CBFA2T2: variants seen among roughly 807,000 people sequenced by gnomAD.
The protein encoded by CBFA2T2 is protein CBFA2T2.
In CBFA2T2, 11 loss-of-function variants were observed where a neutral mutation model predicts 62.2. That is an observed-to-expected ratio of 0.18 (90% CI 0.11 to 0.29). The LOEUF (loss-of-function observed/expected upper bound fraction) is 0.29, where lower values mean the gene tolerates loss of function less well. Among genes scored for constraint, CBFA2T2 ranks in the 10% least tolerant of loss-of-function variants. The pLI is 1.00. For synonymous variants in CBFA2T2, 295 were observed against 287.5 expected (o/e 1.03, Z -0.27); for missense variants, 592 against 774.1 (o/e 0.76, Z 2.79).
intron 8 of CBFA2T2, among the ~76,000 whole-genome samples, chr20:33,631,098 G>A (rs2016432658): frequency 6.6e-6 from 1 of 152,088 alleles, no homozygotes; most frequent in African/African-American, 2.4e-5. Flanking sequence ...GCAGATCACA[G>A]GGTCAGGAGA....
At chr20:33,501,630 CTTTTTTTTTTTTTTT>C (rs869281966) in intron 1 of CBFA2T2, among the ~76,000 whole-genome samples, 3 of 63,256 alleles carry the variant, frequency 4.7e-5, no homozygotes, top group East Asian at 6.2e-4. Context: ...CTTAGCCTTC[CTTTTTTTTTTTTTTT>C]TTTTTTTTTT....
At chr20:33,636,572 C>T (rs1019982837) in intron 8 of CBFA2T2, 68 bp from the exon 9 acceptor site, 2 of 1,191,292 alleles carry the variant, frequency 1.7e-6, no homozygotes, top group East Asian at 2.4e-5. Flanking sequence ...AATGAGAAAT[C>T]TGATCAAAAA....
rs149149951 is a variant in CBFA2T2 at position 33,641,157 on chromosome 20, C to T, written c.1488+626C>T. On this transcript the variant is annotated intron_variant, in intron 10 of 10. Transcript: ENST00000342704. ...ACGCCATTCTCCTGCCTCAGCCTCC[C>T]GAGCAGCTGGGACTACAGGTGCCTG... Among the ~76,000 whole-genome samples, 955 of 152,162 alleles carry T rather than the reference C, an allele frequency of 6.3e-3. 8 individuals carry two copies. Among genetic ancestry groups the T allele is most frequent in the Middle Eastern group, 0.01 (3 of 294 alleles).
chr20:33,644,174 C>A (rs1161374096), intron 10 of CBFA2T2, among the ~76,000 whole-genome samples, 173 bp from the exon 11 acceptor site: 3 of 152,096 alleles, frequency 2.0e-5, no homozygotes, highest in Non-Finnish European at 2.9e-5. Flanking sequence ...CTCAGAAAGG[C>A]AGTGTGTATT....
chr20:33,568,253 T>G (rs1321096925), intron 1 of CBFA2T2, among the ~76,000 whole-genome samples: 3 of 152,176 alleles, frequency 2.0e-5, no homozygotes, highest in Non-Finnish European at 2.9e-5. Flanking sequence ...TCCATGTGAT[T>G]TTTCCCAGTC....
chr20:33,624,624 C>T, intron 5 of CBFA2T2, 140 bp from the exon 6 acceptor site: 2 of 875,242 alleles, frequency 2.3e-6, no homozygotes, highest in African/African-American at 1.7e-5. Context: ...TCAGCTCATG[C>T]CTCATGTCAC....
intron 1 of CBFA2T2, among the ~76,000 whole-genome samples, chr20:33,550,244 T>C (rs1028359520): frequency 1.3e-5 from 2 of 152,218 alleles, no homozygotes; most frequent in Non-Finnish European, 2.9e-5. Context: ...TTTTTAATAC[T>C]TATTAGCAAA....
chr20:33,499,126 C>G (rs2011238877), intron 1 of CBFA2T2, among the ~76,000 whole-genome samples: 1 of 151,682 alleles, frequency 6.6e-6, no homozygotes, highest in South Asian at 2.1e-4. Flanking sequence ...TTATGTGAAT[C>G]CAGAGTTTTA....
At chr20:33,563,544 T>C (rs1349306989) in intron 1 of CBFA2T2, among the ~76,000 whole-genome samples, 4 of 152,186 alleles carry the variant, frequency 2.6e-5, no homozygotes, top group African/African-American at 9.7e-5. Flanking sequence ...TTCATGTTTT[T>C]GAGGCCTTCG....
At chr20:33,642,116 T>TGTGTGTGTGTGTGTGTG (rs1555851384) in intron 10 of CBFA2T2, among the ~76,000 whole-genome samples, 1 of 59,010 alleles carries the variant, frequency 1.7e-5, no homozygotes, top group Non-Finnish European at 3.6e-5. Context: ...TTTTTTTTTT[T>TGTGTGTGTGTGTGTGTG]TGTGTGTGTG....
chr20:33,501,431 C>G (rs1038767082), intron 1 of CBFA2T2, among the ~76,000 whole-genome samples: 1 of 152,058 alleles, frequency 6.6e-6, no homozygotes, highest in African/African-American at 2.4e-5. Context: ...ATCCCTAGAG[C>G]TACACTAACT....
At chr20:33,595,408 C>T (rs1053588163) in intron 1 of CBFA2T2, among the ~76,000 whole-genome samples, 2 of 152,232 alleles carry the variant, frequency 1.3e-5, no homozygotes, top group African/African-American at 4.8e-5. Flanking sequence ...GACGGGGTTT[C>T]ACCACGTTGG....
intron 1 of CBFA2T2, among the ~76,000 whole-genome samples, chr20:33,579,975 T>C (rs2014037709): frequency 6.6e-6 from 1 of 152,058 alleles, no homozygotes; most frequent in South Asian, 2.1e-4. Flanking sequence ...CCACCATGTC[T>C]GACTAATTTT....
In CBFA2T2 at chr20:33,606,967, A is replaced by G. The variant is rs2015363669; in HGVS notation, c.46A>G (p.Lys16Glu). Residue 16 changes from lysine to glutamate, a missense_variant, in exon 2 of 11, where the codon AAA becomes GAA. Physicochemically the swap from Lys to Glu is moderately conservative, Grantham distance 56 (BLOSUM62 1). This residue lies in a region of CBFA2T2 where 449 missense variants were observed against 551.2 expected (regional missense o/e 0.81). Coordinates refer to ENST00000342704, the MANE Select transcript of CBFA2T2 (RefSeq NM_001032999.3). ...GAAAFQLGPEKRVPAMPGSPV... is the reference protein window; with the variant it reads ...GAAAFQLGPEERVPAMPGSPV... Reference sequence around the variant, plus strand: ...CTGATTCTCTGCAGTTGGTCCTGAGAAAAGGGTGCCAGCGATGCCTGGATC... The same window carrying G: ...CTGATTCTCTGCAGTTGGTCCTGAGGAAAGGGTGCCAGCGATGCCTGGATC... 2.5e-6 allele frequency: 4 copies of G among 1,613,204 alleles called. No individual in the cohort carries two copies. Among genetic ancestry groups the G allele is most frequent in the Non-Finnish European group, 1.7e-6 (2 of 1,179,384 alleles).
Position 33,559,193 on chromosome 20 carries a change from T to TTTTTTTTTTTTTC in CBFA2T2, c.35-47763_35-47762insTTTTTTTTTTTTC, listed in dbSNP as rs1555835221. On this transcript the variant is annotated intron_variant, in intron 1 of 10. Coordinates refer to ENST00000342704, the MANE Select transcript of CBFA2T2 (RefSeq NM_001032999.3). ...CTTTCTTTTTTTTTTTTTTTTTTTTTCTGAGATGGAGTGTCACTCTGTCAC... is the reference window on the plus strand; with the variant it reads ...CTTTCTTTTTTTTTTTTTTTTTTTTTTTTTTTTTTTTTCCTGAGATGGAGTGTCACTCTGTCAC... 7.4e-4 allele frequency among the ~76,000 whole-genome samples: 106 copies of TTTTTTTTTTTTTC among 143,990 alleles called. 4 individuals are homozygous for TTTTTTTTTTTTTC. Among genetic ancestry groups the TTTTTTTTTTTTTC allele is most frequent in the African/African-American group, 2.8e-3 (101 of 36,424 alleles). The allele number at this position is 143,990 out of a possible 152,430, so 94.5% of individuals were successfully genotyped here.
At position 33,551,092 on chromosome 20, in the gene CBFA2T2, T is replaced by C. The variant is rs180982928; in HGVS notation, c.35-55864T>C. Among the ~76,000 whole-genome samples, 272 of 152,286 alleles carry C rather than the reference T, an allele frequency of 1.8e-3. 3 individuals carry two copies. The highest frequency in any genetic ancestry group is 6.1e-3 in the African/African-American group (253 of 41,560). ...GCTCATTCGACGGAAGTGTTCATAG[T>C]GAAAGAAGGAAATCAGTTGGTGGTC... On this transcript the variant is annotated intron_variant, in intron 1 of 10. Transcript: ENST00000342704.
intron 1 of CBFA2T2, among the ~76,000 whole-genome samples, chr20:33,493,455 C>T (rs147797752): frequency 1.1e-4 from 16 of 152,146 alleles, no homozygotes; most frequent in African/African-American, 3.6e-4. Context: ...AACCCCTGAG[C>T]CAGAGTCCTT....
intron 1 of CBFA2T2, among the ~76,000 whole-genome samples, chr20:33,547,362 C>A (rs1427311736): frequency 6.6e-6 from 1 of 151,942 alleles, no homozygotes; most frequent in Non-Finnish European, 1.5e-5. Context: ...TCACAGCACT[C>A]CAGCCTGGGT....
intron 4 of CBFA2T2, among the ~76,000 whole-genome samples, chr20:33,622,403 G>T (rs1237886198): frequency 2.6e-5 from 4 of 152,092 alleles, no homozygotes; most frequent in African/African-American, 9.7e-5. Context: ...TTTAAATTTG[G>T]TGAGAAAAAT....
Sources: gnomAD v4.1 joint callset for allele counts (sites outside exome capture counted in the v4.1 genomes callset) on GRCh38, gnomAD v4.1.1 for gene constraint, gnomAD v4.1.1 regional missense constraint, MANE v1.5 for transcripts, NCBI Gene and HGNC (gene_info 2026-07-23, HGNC 2026-07-21) for gene names.